The following UNC80 variants were observed in gnomAD, a reference collection of about 807,000 sequenced individuals.
The protein encoded by UNC80 is unc-80 subunit of NALCN channel complex.
In UNC80, 164 loss-of-function variants were observed where a neutral mutation model predicts 384.6. That is an observed-to-expected ratio of 0.43 (90% CI 0.38 to 0.49). The LOEUF (loss-of-function observed/expected upper bound fraction) is 0.49, where lower values mean the gene tolerates loss of function less well. Ranked by LOEUF, UNC80 falls within the 20% of genes least tolerant of loss-of-function variation. The pLI, the probability that UNC80 is intolerant of heterozygous loss-of-function variation, is 0.00. For synonymous variants in UNC80, 1,486 were observed against 1,527.8 expected (o/e 0.97, Z 0.64); for missense variants, 3,330 against 4,143.0 (o/e 0.80, Z 5.39).
chr2:209,904,404 C>T (rs2087919971), intron 28 of UNC80, among the ~76,000 whole-genome samples: 2 of 152,216 alleles, frequency 1.3e-5, no homozygotes, highest in Non-Finnish European at 2.9e-5. Flanking sequence ...AGTCTATGCC[C>T]TTTCATATGG....
rs1005780900 is a variant in UNC80, at chr2:209,816,981, C to T, written c.1408C>T (p.Arg470Trp). 3.9e-6 allele frequency: 6 copies of T among 1,551,570 alleles called. No individual in the cohort carries two copies. Among genetic ancestry groups the T allele is most frequent in the Middle Eastern group, 1.7e-4 (1 of 6,012 alleles). ...CCACCACACAGGCAAGAGGAGGCCACGGAGAATGGGAGTGCCCTTCCTGCT... is the reference window on the plus strand; with the variant it reads ...CCACCACACAGGCAAGAGGAGGCCATGGAGAATGGGAGTGCCCTTCCTGCT... ...PFHHTGKRRP[R>W]RMGVPFLLHE... The change falls in exon 10 of 65, where the codon CGG (arginine) becomes TGG (tryptophan). Residue 470 changes from arginine to tryptophan, a missense_variant. This residue lies in a region of UNC80 where 937 missense variants were observed against 1,026.8 expected (regional missense o/e 0.91). Coordinates refer to ENST00000673920, the MANE Select transcript of UNC80 (RefSeq NM_001371986.1).
chr2:209,809,067 G>A, intron 7 of UNC80: 1 of 467,950 alleles, frequency 2.1e-6, no homozygotes, highest in South Asian at 2.0e-5. Context: ...TGTCGGATGA[G>A]GACAGCGGGA....
intron 35 of UNC80, among the ~76,000 whole-genome samples, chr2:209,924,658 A>G (rs2090288896): frequency 1.3e-5 from 2 of 152,064 alleles, no homozygotes; most frequent in South Asian, 4.1e-4. Flanking sequence ...AGTGATTTGC[A>G]AGCCCCCTAG....
intron 11 of UNC80, among the ~76,000 whole-genome samples, chr2:209,818,574 A>G (rs2079910539): frequency 6.6e-6 from 1 of 152,176 alleles, no homozygotes; most frequent in Non-Finnish European, 1.5e-5. Flanking sequence ...ATTTTCAGTT[A>G]CTTTTAGCCA....
chr2:209,967,375 A>T (rs1436997353), intron 51 of UNC80, 62 bp from the exon 52 acceptor site: 3 of 1,288,816 alleles, frequency 2.3e-6, no homozygotes, highest in East Asian at 2.8e-5. Flanking sequence ...GTGTAAAAAA[A>T]TTCCTGTTGT....
At chr2:209,915,770 A>C (rs1259120073) in intron 31 of UNC80, among the ~76,000 whole-genome samples, 1 of 152,184 alleles carries the variant, frequency 6.6e-6, no homozygotes, top group East Asian at 1.9e-4. Flanking sequence ...AATGGGTACG[A>C]ACCTACAGTT....
chr2:209,970,975 G>A lies in UNC80; in HGVS notation c.8256+18G>A. The A allele has an allele frequency of 1.3e-6, 2 of 1,545,750 alleles. No homozygotes were observed. Among genetic ancestry groups the A allele is most frequent in the Non-Finnish European group, 1.7e-6 (2 of 1,144,614 alleles). On this transcript the variant is annotated intron_variant, in intron 54 of 64. Transcript: ENST00000673920. ...AGATACAGGTGTGACTGCCTTACCT[G>A]TTTGTCACGCTCATTAAGTTGCTGG...
At chr2:209,888,955 G>C (rs1336574112) in intron 26 of UNC80, among the ~76,000 whole-genome samples, 1 of 152,104 alleles carries the variant, frequency 6.6e-6, no homozygotes, top group Non-Finnish European at 1.5e-5. Flanking sequence ...ATAGAATCTC[G>C]TTTTAAAAAC....
In UNC80 at chr2:209,818,967, C is replaced by G. The variant is rs2079945189; in HGVS notation, c.1694-26C>G. The G allele has an allele frequency of 3.2e-6, 5 of 1,546,810 alleles. No individual in the cohort carries two copies. The East Asian group carries it at 1.2e-4, about 38-fold the overall frequency. ...GTATTGTAGGTTAATGTAGGGAGAA[C>G]TAAGACATTGCTTTCATTTTATTAG... On this transcript the variant is annotated intron_variant, in intron 11 of 64. Coordinates refer to ENST00000673920, the MANE Select transcript of UNC80 (RefSeq NM_001371986.1).
At chr2:209,948,996 A>G (rs1435316427) in intron 47 of UNC80, among the ~76,000 whole-genome samples, 1 of 152,166 alleles carries the variant, frequency 6.6e-6, no homozygotes, top group East Asian at 1.9e-4. Context: ...GTGATAGGTT[A>G]CACTGATTTA....
chr2:209,955,692 AATATATATATATATATATATATAT>A lies in UNC80; in HGVS notation c.7457+1446_7457+1469del, dbSNP rs57804600. On this transcript the variant is annotated intron_variant, in intron 48 of 64. Coordinates refer to ENST00000673920, the MANE Select transcript of UNC80 (RefSeq NM_001371986.1). ...TGTTCCCAAATGCCACTGTATTTCT[AATATATATATATATATATATATAT>A]ATATATATATATATATATATATACA... is the stretch of plus-strand genomic sequence containing the variant. 2.1e-3 allele frequency among the ~76,000 whole-genome samples: 108 copies of A among 51,610 alleles called. 1 individual carries two copies. Among genetic ancestry groups the A allele is most frequent in the East Asian group, 5.4e-3 (7 of 1,292 alleles). The allele number at this position is 51,610 out of a possible 152,430, so 33.9% of individuals were successfully genotyped here.
chr2:209,809,384 G>C (rs1461503858), intron 7 of UNC80: 1 of 1,093,406 alleles, frequency 9.1e-7, no homozygotes, highest in South Asian at 1.2e-5. Context: ...GGCCATGTCC[G>C]GACCCACACT....
At chr2:209,931,827 A>C (rs961143848) in intron 38 of UNC80, among the ~76,000 whole-genome samples, 1 of 152,208 alleles carries the variant, frequency 6.6e-6, no homozygotes, top group Non-Finnish European at 1.5e-5. Context: ...AAAGGAAAAA[A>C]ATATGAATAA....
At chr2:209,967,007 C>T (rs952732198) in intron 51 of UNC80, among the ~76,000 whole-genome samples, 5 of 152,072 alleles carry the variant, frequency 3.3e-5, no homozygotes, top group Non-Finnish European at 5.9e-5. Flanking sequence ...TTTACAAGGA[C>T]GTTTGATATT....
chr2:209,931,149 C>A, intron 38 of UNC80, 95 bp downstream of exon 38: 1 of 924,986 alleles, frequency 1.1e-6, no homozygotes, highest in Non-Finnish European at 1.6e-6. Context: ...AATTACATTA[C>A]TAAAGGCAAA....
chr2:209,777,901 A>G (rs1176152243), intron 4 of UNC80, among the ~76,000 whole-genome samples: 1 of 152,156 alleles, frequency 6.6e-6, no homozygotes, highest in Non-Finnish European at 1.5e-5. Context: ...ATGATCCAGC[A>G]TTTGAAACCA....
At chr2:209,980,042 A>C (rs1379693444) in intron 59 of UNC80, among the ~76,000 whole-genome samples, 1 of 152,224 alleles carries the variant, frequency 6.6e-6, no homozygotes. Flanking sequence ...CAAGGGAAAA[A>C]TCATATTGTC....
At chr2:209,844,165 A>G (rs1485380634) in intron 21 of UNC80, among the ~76,000 whole-genome samples, 1 of 152,184 alleles carries the variant, frequency 6.6e-6, no homozygotes, top group African/African-American at 2.4e-5. Flanking sequence ...TCAGTATTAT[A>G]AAGAAATTTT....
At chr2:209,896,744 T>C (rs1459803063) in intron 28 of UNC80, among the ~76,000 whole-genome samples, 1 of 152,074 alleles carries the variant, frequency 6.6e-6, no homozygotes, top group Non-Finnish European at 1.5e-5. Flanking sequence ...TTTAAACAGG[T>C]TACTGCGAAT....
Sources: gnomAD v4.1 joint callset for allele counts (sites outside exome capture counted in the v4.1 genomes callset) on GRCh38, gnomAD v4.1.1 for gene constraint, gnomAD v4.1.1 regional missense constraint, MANE v1.5 for transcripts, NCBI Gene and HGNC (gene_info 2026-07-23, HGNC 2026-07-21) for gene names.